ANO4: variants seen among roughly 807,000 people sequenced by gnomAD.
ANO4 encodes anoctamin-4.
A neutral mutation model predicts 141.9 loss-of-function variants in ANO4; 69 were observed. The ratio of observed to expected loss-of-function variants is 0.49; its 90% CI spans 0.40 to 0.59. ANO4 has a LOEUF of 0.59. ANO4 is among the 20% of genes least tolerant of loss of function. The pLI is 0.00. For synonymous variants in ANO4, 350 were observed against 394.3 expected (o/e 0.89, Z 1.33); for missense variants, 894 against 1,162.2 (o/e 0.77, Z 3.36).
chr12:100,837,718 T>C (rs973945108), intron 1 of ANO4, among the ~76,000 whole-genome samples: 2 of 61,216 alleles, frequency 3.3e-5, no homozygotes, highest in African/African-American at 1.6e-4. Context: ...AGACCTTGTC[T>C]CTAAAAAAAA....
chr12:101,120,427 C>T, intron 25 of ANO4, 93 bp from the exon 26 acceptor site: 5 of 1,064,174 alleles, frequency 4.7e-6, no homozygotes, highest in Non-Finnish European at 7.0e-6. Flanking sequence ...AAATTTCCCT[C>T]CTATTGAATG....
intron 3 of ANO4, among the ~76,000 whole-genome samples, chr12:100,776,095 C>A (rs1253570748): frequency 6.6e-6 from 1 of 152,098 alleles, no homozygotes; most frequent in African/African-American, 2.4e-5. Context: ...CCTCAGAAAA[C>A]CCTATAAGGT....
At chr12:100,899,167 C>T (rs2040476988) in intron 1 of ANO4, among the ~76,000 whole-genome samples, 1 of 152,178 alleles carries the variant, frequency 6.6e-6, no homozygotes, top group Admixed American at 6.5e-5. Context: ...CCTACGGGGC[C>T]ACCCAGCCTG....
chr12:100,779,097 A>G (rs1192655769), intron 3 of ANO4, among the ~76,000 whole-genome samples: 1 of 152,190 alleles, frequency 6.6e-6, no homozygotes, highest in African/African-American at 2.4e-5. Flanking sequence ...CCATAACAAA[A>G]CAAATACACA....
At chr12:100,778,065 A>G (rs543125988) in intron 3 of ANO4, among the ~76,000 whole-genome samples, 139 of 151,742 alleles carry the variant, frequency 9.2e-4, no homozygotes, top group African/African-American at 3.2e-3. Context: ...GACTACAGGC[A>G]CCCGCCACCA....
intron 15 of ANO4, 124 bp downstream of exon 15, chr12:101,079,399 T>C: frequency 1.3e-6 from 1 of 778,504 alleles, no homozygotes; most frequent in Non-Finnish European, 2.1e-6. Context: ...GCATTTTCAA[T>C]TGCCTTTTCA....
At chr12:101,119,610 T>TA (rs1261139871) in intron 25 of ANO4, among the ~76,000 whole-genome samples, 1 of 152,232 alleles carries the variant, frequency 6.6e-6, no homozygotes, top group East Asian at 1.9e-4. Context: ...GACATAATAG[T>TA]AAAAAAAGCA....
intron 14 of ANO4, among the ~76,000 whole-genome samples, chr12:101,077,632 C>G (rs1359191420): frequency 6.6e-6 from 1 of 152,040 alleles, no homozygotes; most frequent in East Asian, 1.9e-4. Flanking sequence ...ACTGAATATA[C>G]CATATATTAT....
At chr12:101,063,745 CTTTTTTTTTTTTTT>C in intron 14 of ANO4, among the ~76,000 whole-genome samples, 50 of 24,802 alleles carry the variant, frequency 2.0e-3, no homozygotes, top group Admixed American at 0.017. Flanking sequence ...TCCAGGTTAT[CTTTTTTTTTTTTTT>C]TTTTTTTTTT....
rs2040780478 is a variant in ANO4 at position 100,905,141 on chromosome 12, C to T, written c.55+3301C>T. Among the ~76,000 whole-genome samples the T allele has an allele frequency of 2.6e-5, 4 of 152,266 alleles. No homozygotes were observed. The South Asian group carries it at 6.2e-4, about 24-fold the overall frequency. On this transcript the variant is annotated intron_variant, in intron 2 of 27. Transcript: ENST00000392977. The stretch of plus-strand genomic sequence containing the variant: ...ATTATAGATGTGATAATATTGAGAG[C>T]TGGCAAGATCTTGTGGGTGGTAGTT...
chr12:100,958,293 C>T (rs1188367674), intron 5 of ANO4, among the ~76,000 whole-genome samples: 3 of 152,172 alleles, frequency 2.0e-5, no homozygotes, highest in Non-Finnish European at 4.4e-5. Flanking sequence ...TTTGCTTCGT[C>T]CTCTCTATAA....
intron 1 of ANO4, among the ~76,000 whole-genome samples, chr12:100,733,270 C>T (rs1331385599): frequency 1.3e-5 from 2 of 152,174 alleles, no homozygotes; most frequent in Non-Finnish European, 2.9e-5. Context: ...ACGAAGCTGC[C>T]TGTGGCCTCT....
At chr12:100,836,755 A>G (rs971594620) in intron 1 of ANO4, among the ~76,000 whole-genome samples, 1 of 152,172 alleles carries the variant, frequency 6.6e-6, no homozygotes, top group Non-Finnish European at 1.5e-5. Flanking sequence ...CCCAAGGTCT[A>G]GGAGTTTGAA....
At chr12:100,944,126 G>A (rs1484325167) in intron 5 of ANO4, among the ~76,000 whole-genome samples, 1 of 152,088 alleles carries the variant, frequency 6.6e-6, no homozygotes, top group African/African-American at 2.4e-5. Flanking sequence ...ATGTTATTTC[G>A]TGATTTATTC....
chr12:100,935,416 C>A (rs562522626), intron 3 of ANO4, among the ~76,000 whole-genome samples: 1 of 152,166 alleles, frequency 6.6e-6, no homozygotes, highest in South Asian at 2.1e-4. Flanking sequence ...ATATGTTGAA[C>A]CAGCCTTGCC....
chr12:100,951,145 C>T (rs570990739), intron 5 of ANO4, among the ~76,000 whole-genome samples: 3 of 152,214 alleles, frequency 2.0e-5, no homozygotes, highest in Non-Finnish European at 4.4e-5. Flanking sequence ...CATCTCACAC[C>T]AGTCAGAATG....
chr12:100,795,247 C>T (rs909074097), intron 1 of ANO4, among the ~76,000 whole-genome samples: 1 of 150,122 alleles, frequency 6.7e-6, no homozygotes, highest in South Asian at 2.1e-4. Context: ...TGCTGTGATA[C>T]GAATATAAGT....
intron 1 of ANO4, among the ~76,000 whole-genome samples, chr12:100,880,699 G>T (rs1400307384): frequency 3.3e-5 from 5 of 152,110 alleles, no homozygotes; most frequent in African/African-American, 4.8e-5. Context: ...ATTATGTGAG[G>T]AGGGCAAGTT....
chr12:100,771,223 T>C (rs965776038), intron 3 of ANO4, among the ~76,000 whole-genome samples: 8 of 152,098 alleles, frequency 5.3e-5, no homozygotes, highest in African/African-American at 1.9e-4. Flanking sequence ...GCAGACCTGT[T>C]CATCAGAGCT....
Sources: allele counts gnomAD v4.1 joint callset (sites outside exome capture counted in the v4.1 genomes callset), GRCh38; gene constraint gnomAD v4.1.1; transcripts MANE v1.5; gene names NCBI Gene and HGNC (gene_info 2026-07-23, HGNC 2026-07-21).